SHISA6: variants seen among roughly 807,000 people sequenced by gnomAD.
The protein encoded by SHISA6 is protein shisa-6.
A neutral mutation model predicts 47.9 loss-of-function variants in SHISA6; 22 were observed. The observed-to-expected ratio is 0.46, with a 90% CI of 0.33 to 0.66. The LOEUF is 0.66. Ranked by LOEUF, SHISA6 falls within the 30% of genes least tolerant of loss-of-function variation. The probability of loss-of-function intolerance (pLI) is 0.02; values close to 1 mark genes in which losing one functional copy is unlikely to be tolerated. For missense variants in SHISA6, 680 were observed against 764.6 expected, an observed-to-expected ratio of 0.89 and a Z score of 1.30; for synonymous variants, 388 against 337.8, an observed-to-expected ratio of 1.15 and a Z score of -1.63.
intron 3 of SHISA6, among the ~76,000 whole-genome samples, chr17:11,414,698 T>C (rs989520729): frequency 6.6e-6 from 1 of 152,206 alleles, no homozygotes; most frequent in Non-Finnish European, 1.5e-5. Context: ...AAATGACATG[T>C]AGGCAAATAT....
chr17:11,552,046 C>T, intron 4 of SHISA6, 94 bp downstream of exon 4: 1 of 1,306,344 alleles, frequency 7.7e-7, no homozygotes, highest in Non-Finnish European at 1.1e-6. Flanking sequence ...AACACACGGT[C>T]ATAAACTCAC....
chr17:11,524,800 A>G (rs1254428053), intron 3 of SHISA6, among the ~76,000 whole-genome samples: 1 of 151,954 alleles, frequency 6.6e-6, no homozygotes, highest in Admixed American at 6.6e-5. Flanking sequence ...CGCCCGGTCT[A>G]TTTCTCTATA....
intron 3 of SHISA6, among the ~76,000 whole-genome samples, chr17:11,464,257 TG>T (rs1281175947): frequency 1.3e-5 from 2 of 152,182 alleles, no homozygotes; most frequent in East Asian, 3.9e-4. Context: ...CACCATTAGC[TG>T]TATGATCAAC....
chr17:11,361,365 A>C (rs1912278238), intron 2 of SHISA6, among the ~76,000 whole-genome samples: 1 of 152,228 alleles, frequency 6.6e-6, no homozygotes, highest in Admixed American at 6.5e-5. Context: ...AAATAAATTG[A>C]ATTACATTTA....
In SHISA6 at chr17:11,450,029, C is replaced by T. The variant is rs138365775; in HGVS notation, c.895+70520C>T. On this transcript the variant is annotated intron_variant, in intron 3 of 5. Coordinates refer to ENST00000441885, the MANE Select transcript of SHISA6 (RefSeq NM_207386.4). ...CCTCCCAAGTAGCTGGGACTACAGG[C>T]GTCCGCCACCACGCCTGGTTAATTT... Among the ~76,000 whole-genome samples, 1,130 of 152,286 alleles carry T rather than the reference C, an allele frequency of 7.4e-3. 14 individuals are homozygous for T. The highest frequency in any genetic ancestry group is 0.024 in the African/African-American group (1,018 of 41,574).
chr17:11,273,223 C>T lies in SHISA6; in HGVS notation c.799+9697C>T, dbSNP rs184358240. On this transcript the variant is annotated intron_variant, in intron 2 of 5. Transcript: ENST00000441885. ...AGGAGGGGGTGCTGACTGATCTGGG[C>T]GCTAAACACAGACCCTAGAGCTCAA... Among the ~76,000 whole-genome samples the T allele has an allele frequency of 5.6e-4, 85 of 152,292 alleles. No individual in the cohort carries two copies. In the East Asian group the frequency reaches 0.012, roughly 21 times the overall value.
At chr17:11,395,807 C>G (rs1001047558) in intron 3 of SHISA6, among the ~76,000 whole-genome samples, 2 of 152,120 alleles carry the variant, frequency 1.3e-5, no homozygotes, top group African/African-American at 4.8e-5. Context: ...CCTGAACCAC[C>G]GTGCCCGGCC....
At chr17:11,416,635 T>C (rs1040184795) in intron 3 of SHISA6, among the ~76,000 whole-genome samples, 1 of 152,188 alleles carries the variant, frequency 6.6e-6, no homozygotes, top group African/African-American at 2.4e-5. Flanking sequence ...GAAAAATAAA[T>C]AAAACATAAT....
chr17:11,257,116 C>T (rs1908040514), intron 1 of SHISA6, among the ~76,000 whole-genome samples: 1 of 152,206 alleles, frequency 6.6e-6, no homozygotes, highest in Non-Finnish European at 1.5e-5. Context: ...TTCTGAGCCT[C>T]TCTGTATGAG....
At chr17:11,426,167 G>GTCTAAGAA (rs1431034999) in intron 3 of SHISA6, among the ~76,000 whole-genome samples, 2 of 152,248 alleles carry the variant, frequency 1.3e-5, no homozygotes, top group African/African-American at 4.8e-5. Context: ...AAGAAGGACA[G>GTCTAAGAA]TCTAAGAATT....
intron 3 of SHISA6, among the ~76,000 whole-genome samples, chr17:11,499,991 C>T (rs1394578670): frequency 6.6e-6 from 1 of 152,160 alleles, no homozygotes; most frequent in Non-Finnish European, 1.5e-5. Context: ...TATGAGCCAT[C>T]GTGCCTGGCC....
chr17:11,326,220 G>A (rs1910885755), intron 2 of SHISA6, among the ~76,000 whole-genome samples: 1 of 150,714 alleles, frequency 6.6e-6, no homozygotes, highest in African/African-American at 2.5e-5. Context: ...GCAGTGAGCC[G>A]AGATCGTACC....
chr17:11,241,888 A>G lies in SHISA6; in HGVS notation c.466A>G (p.Thr156Ala). 1 of 1,551,232 alleles carries G rather than the reference A, an allele frequency of 6.4e-7. No homozygotes were observed. The highest frequency in any genetic ancestry group is 8.7e-7 in the Non-Finnish European group (1 of 1,147,022). Residue 156 changes from threonine to alanine, a missense_variant, in exon 1 of 6, where the codon ACC becomes GCC. Physicochemically the swap from Thr to Ala is moderately conservative, Grantham distance 58. Around this residue, in one of 2 missense-constraint regions of SHISA6, gnomAD observed 559 missense variants for 674.1 expected, o/e 0.83. Coordinates refer to ENST00000441885, the MANE Select transcript of SHISA6 (RefSeq NM_207386.4). This position sits in a 1 kb window ranked among gnomAD's most constrained non-coding sequence, Gnocchi z 5.5. Reference protein sequence around the residue: ...QSPVWVQTPSTKVVSPGPENK... With the variant: ...QSPVWVQTPSAKVVSPGPENK... ...CCCGGTGTGGGTACAGACGCCCAGCACCAAGGTGGTGTCGCCGGGGCCCGA... is the reference window on the plus strand; with the variant it reads ...CCCGGTGTGGGTACAGACGCCCAGCGCCAAGGTGGTGTCGCCGGGGCCCGA...
chr17:11,516,212 G>A (rs767716765), intron 3 of SHISA6, among the ~76,000 whole-genome samples: 5 of 152,140 alleles, frequency 3.3e-5, no homozygotes, highest in Non-Finnish European at 7.4e-5. Flanking sequence ...AACATCTAGT[G>A]CTACATAAGG....
intron 2 of SHISA6, among the ~76,000 whole-genome samples, chr17:11,270,384 C>T (rs1164807404): frequency 6.6e-6 from 1 of 152,220 alleles, no homozygotes; most frequent in East Asian, 1.9e-4. Flanking sequence ...TCTCTTTCCA[C>T]AGGAAGACAC....
intron 2 of SHISA6, among the ~76,000 whole-genome samples, chr17:11,370,672 G>A (rs533529977): frequency 6.6e-6 from 1 of 152,072 alleles, no homozygotes; most frequent in Non-Finnish European, 1.5e-5. Context: ...TTCTCTTAGG[G>A]CAGATGACAG....
intron 2 of SHISA6, among the ~76,000 whole-genome samples, chr17:11,378,588 C>A (rs79335662): frequency 5.3e-5 from 8 of 152,082 alleles, no homozygotes; most frequent in Admixed American, 2.0e-4. Flanking sequence ...GTATTTCAAG[C>A]GTACTGCAAA....
chr17:11,363,297 G>A (rs1461322313), intron 2 of SHISA6, among the ~76,000 whole-genome samples: 1 of 150,600 alleles, frequency 6.6e-6, no homozygotes, highest in Non-Finnish European at 1.5e-5. Context: ...GAATAGTCTT[G>A]CTTGCAGAAG....
chr17:11,499,683 C>CTTTCTTTCTTT (rs1453364830), intron 3 of SHISA6, among the ~76,000 whole-genome samples: 77 of 127,564 alleles, frequency 6.0e-4, no homozygotes, highest in African/African-American at 2.3e-3. Context: ...CTTTTTCTTT[C>CTTTCTTTCTTT]TTTTTTTTTT....
Sources: gnomAD v4.1 joint callset for allele counts (sites outside exome capture counted in the v4.1 genomes callset) on GRCh38, gnomAD v4.1.1 for gene constraint, gnomAD v4.1.1 regional missense constraint, Gnocchi (gnomAD v3.1) non-coding constraint, MANE v1.5 for transcripts, NCBI Gene and HGNC (gene_info 2026-07-23, HGNC 2026-07-21) for gene names.